Variants in VTI1A observed in about 807,000 individuals in gnomAD.
The protein encoded by VTI1A is vesicle transport through interaction with t-SNAREs 1A.
In VTI1A, 22 loss-of-function variants were observed where a neutral mutation model predicts 34.9. The ratio of observed to expected loss-of-function variants is 0.63; its 90% CI spans 0.45 to 0.90. The LOEUF (loss-of-function observed/expected upper bound fraction) is 0.90, where lower values mean the gene tolerates loss of function less well. VTI1A is among the 40% of genes least tolerant of loss of function. VTI1A has a pLI of 0.00. For missense variants in VTI1A, 268 were observed against 275.6 expected (o/e 0.97, Z 0.20); for synonymous variants, 87 against 97.3 (o/e 0.89, Z 0.62).
chr10:112,509,723 C>A (rs772833832), intron 3 of VTI1A, among the ~76,000 whole-genome samples: 1 of 152,162 alleles, frequency 6.6e-6, no homozygotes, highest in African/African-American at 2.4e-5. Flanking sequence ...AGAGTCCTCA[C>A]GTCTGTGAAG....
chr10:112,729,565 G>T (rs950835715), intron 7 of VTI1A, among the ~76,000 whole-genome samples: 2 of 152,032 alleles, frequency 1.3e-5, no homozygotes, highest in Admixed American at 1.3e-4. Flanking sequence ...TAGAATCTTA[G>T]GAAGACTTTT....
chr10:112,518,571 CTCTCTCTCTCTCTCTCTCTATA>C (rs1482038940), intron 3 of VTI1A, among the ~76,000 whole-genome samples: 7 of 121,806 alleles, frequency 5.7e-5, no homozygotes, highest in African/African-American at 2.1e-4. Context: ...CTCTCTCTCT[CTCTCTCTCTCTCTCTCTCTATA>C]TATATATATA....
intron 5 of VTI1A, among the ~76,000 whole-genome samples, chr10:112,596,218 T>C (rs1041118261): frequency 1.3e-5 from 2 of 151,952 alleles, no homozygotes; most frequent in African/African-American, 4.8e-5. Flanking sequence ...TGCTAAATGA[T>C]GGGTTACTGG....
intron 7 of VTI1A, among the ~76,000 whole-genome samples, chr10:112,739,145 G>T (rs961233834): frequency 2.6e-5 from 4 of 152,182 alleles, no homozygotes; most frequent in African/African-American, 9.7e-5. Flanking sequence ...ATACTTGTGT[G>T]TGTGGAGAGC....
At chr10:112,543,395 T>G (rs1297833458) in intron 5 of VTI1A, among the ~76,000 whole-genome samples, 1 of 152,202 alleles carries the variant, frequency 6.6e-6, no homozygotes, top group Non-Finnish European at 1.5e-5. Flanking sequence ...TGGTATCTCA[T>G]TGTGGTTTTG....
chr10:112,683,355 A>G (rs1052589421), intron 7 of VTI1A, among the ~76,000 whole-genome samples: 3 of 152,192 alleles, frequency 2.0e-5, no homozygotes, highest in African/African-American at 4.8e-5. Context: ...TAGGAACATG[A>G]AAGTGAACCT....
intron 7 of VTI1A, among the ~76,000 whole-genome samples, chr10:112,741,803 C>G (rs537884563): frequency 6.6e-6 from 1 of 151,678 alleles, no homozygotes; most frequent in South Asian, 2.1e-4. Flanking sequence ...TCTTTTTTTT[C>G]TTTCCTGGAA....
intron 3 of VTI1A, among the ~76,000 whole-genome samples, chr10:112,502,665 T>C (rs935706167): frequency 3.2e-4 from 48 of 152,180 alleles, no homozygotes; most frequent in Non-Finnish European, 8.8e-5. Flanking sequence ...TCTTCCCAAC[T>C]CGTGCTTATG....
At chr10:112,511,577 GT>G (rs1849611091) in intron 3 of VTI1A, among the ~76,000 whole-genome samples, 1 of 152,062 alleles carries the variant, frequency 6.6e-6, no homozygotes, top group Non-Finnish European at 1.5e-5. Context: ...ATAATGCATA[GT>G]GTTCAATTCA....
At chr10:112,486,774 CA>C (rs1171368368) in intron 3 of VTI1A, among the ~76,000 whole-genome samples, 5 of 131,328 alleles carry the variant, frequency 3.8e-5, no homozygotes, top group African/African-American at 1.5e-4. Flanking sequence ...ATAACACACT[CA>C]AAGACCACTG....
chr10:112,675,301 C>T (rs1847984302), intron 7 of VTI1A, among the ~76,000 whole-genome samples: 3 of 152,308 alleles, frequency 2.0e-5, no homozygotes, highest in South Asian at 2.1e-4. Context: ...AAGGGAACCA[C>T]GGGTAAATAT....
chr10:112,698,420 A>G (rs1378983417), intron 7 of VTI1A, among the ~76,000 whole-genome samples: 1 of 152,294 alleles, frequency 6.6e-6, no homozygotes, highest in African/African-American at 2.4e-5. Flanking sequence ...GAAGAGCACT[A>G]TGTCTTTTGG....
intron 7 of VTI1A, among the ~76,000 whole-genome samples, chr10:112,693,963 C>T (rs1848695400): frequency 6.6e-6 from 1 of 152,218 alleles, no homozygotes; most frequent in Non-Finnish European, 1.5e-5. Context: ...AATCCCAGCA[C>T]TTTGGAAGGC....
At chr10:112,743,267 C>T (rs1850761051) in intron 7 of VTI1A, among the ~76,000 whole-genome samples, 1 of 152,160 alleles carries the variant, frequency 6.6e-6, no homozygotes, top group Non-Finnish European at 1.5e-5. Flanking sequence ...CATTATAAAT[C>T]GTCTTCATTC....
In VTI1A at chr10:112,616,360, C is replaced by T. The variant is rs147443516; in HGVS notation, c.428-51858C>T. Reference sequence around the variant, plus strand: ...TCACACACAATGGGATAGCTAAATTCGAAACTCTTCTATTTAGCCAGTACA... The same window carrying T: ...TCACACACAATGGGATAGCTAAATTTGAAACTCTTCTATTTAGCCAGTACA... On this transcript the variant is annotated intron_variant, in intron 5 of 7. Transcript: ENST00000393077. 1.6e-3 allele frequency among the ~76,000 whole-genome samples: 239 copies of T among 152,172 alleles called. 1 individual carries two copies. Among genetic ancestry groups the T allele is most frequent in the Admixed American group, 3.3e-3 (50 of 15,294 alleles).
intron 5 of VTI1A, among the ~76,000 whole-genome samples, chr10:112,612,227 G>C (rs1564848340): frequency 1.3e-5 from 2 of 152,126 alleles, no homozygotes; most frequent in African/African-American, 4.8e-5. Context: ...TGGTCAGATA[G>C]TGATTTGTCC....
chr10:112,821,416 C>T (rs1413174413), downstream of VTI1A, among the ~76,000 whole-genome samples: 4 of 152,202 alleles, frequency 2.6e-5, no homozygotes, highest in African/African-American at 4.8e-5. Flanking sequence ...AGTGCCACTT[C>T]GTTACCGCAA....
rs983747968 is a variant in VTI1A at position 112,817,997 on chromosome 10, G to A, written c.*2614G>A. On this transcript the variant is annotated 3_prime_UTR_variant, in exon 8 of 8. Coordinates refer to ENST00000393077, the MANE Select transcript of VTI1A (RefSeq NM_145206.4). ...CAGAATCAAAAGCAATTTAATTAAA[G>A]TCTCTTAAGTTGTAAAGAGTTTTAA... The A allele has an allele frequency of 8.6e-6, 2 of 233,090 alleles. No individual in the cohort carries two copies. Among genetic ancestry groups the A allele is most frequent in the African/African-American group, 4.4e-5 (2 of 45,320 alleles). 14.4% of individuals were successfully genotyped at this position (233,090 alleles called of 1,614,324 possible).
chr10:112,506,060 G>A (rs117866746), intron 3 of VTI1A, among the ~76,000 whole-genome samples: 33 of 152,170 alleles, frequency 2.2e-4, no homozygotes, highest in Middle Eastern at 3.4e-3. Context: ...ACAGGAGAAT[G>A]TTCTGAGAAA....
Sources: gnomAD v4.1 joint callset for allele counts (sites outside exome capture counted in the v4.1 genomes callset) on GRCh38, gnomAD v4.1.1 for gene constraint, MANE v1.5 for transcripts, NCBI Gene and HGNC (gene_info 2026-07-23, HGNC 2026-07-21) for gene names.